Variants in PBX3 observed in about 807,000 individuals in gnomAD.
PBX3 encodes the protein pre-B-cell leukemia transcription factor 3.
Under a neutral mutation model 48.5 loss-of-function variants are expected in PBX3, and 14 were observed. The observed-to-expected ratio is 0.29, with a 90% confidence interval of 0.19 to 0.45. The LOEUF (loss-of-function observed/expected upper bound fraction) is 0.45, where lower values mean the gene tolerates loss of function less well. PBX3 is among the 20% of genes least tolerant of loss of function. The pLI is 1.00. For missense variants in PBX3, 386 were observed against 546.7 expected (o/e 0.71, Z 2.93); for synonymous variants, 210 against 200.3 (o/e 1.05, Z -0.41).
chr9:125,906,298 A>G (rs763216434), intron 2 of PBX3, among the ~76,000 whole-genome samples: 40 of 151,992 alleles, frequency 2.6e-4, no homozygotes, highest in Non-Finnish European at 4.3e-4. Flanking sequence ...GAGAATGCCA[A>G]TGACCCTCAT....
At chr9:125,792,763 A>G (rs1240115637) in intron 2 of PBX3, among the ~76,000 whole-genome samples, 2 of 151,012 alleles carry the variant, frequency 1.3e-5, no homozygotes. Flanking sequence ...CAGTGGCACA[A>G]TCTCTGCTCA....
intron 2 of PBX3, among the ~76,000 whole-genome samples, chr9:125,824,736 C>T (rs1267238741): frequency 6.7e-6 from 1 of 149,344 alleles, no homozygotes; most frequent in Non-Finnish European, 1.5e-5. Flanking sequence ...ATACTCATTG[C>T]TTACTAGACA....
chr9:125,890,352 C>G (rs978395858), intron 2 of PBX3, among the ~76,000 whole-genome samples: 3 of 152,188 alleles, frequency 2.0e-5, no homozygotes, highest in African/African-American at 7.2e-5. Flanking sequence ...AGTATCCTAA[C>G]TTAATGGTTG....
intron 4 of PBX3, among the ~76,000 whole-genome samples, chr9:125,931,234 G>A (rs1018871673): frequency 2.6e-5 from 4 of 152,116 alleles, no homozygotes; most frequent in Admixed American, 2.0e-4. Context: ...TTTTCATGTA[G>A]TATAAGCTCT....
In PBX3 at chr9:125,915,668, C is replaced by T. The variant is rs749981959; in HGVS notation, c.275-18C>T. ...TCTCGCTTCTTCTCTCTCTGTCTCT[C>T]TCTCTCTTTCCTTGAAGGTCTCAGC... On this transcript the variant is annotated intron_variant, in intron 2 of 8. Transcript: ENST00000373489. The T allele has an allele frequency of 1.1e-5, 18 of 1,587,402 alleles. No homozygotes were observed. The South Asian group carries it at 1.9e-4, about 17-fold the overall frequency.
rs1342648708 is a variant in PBX3 at position 125,748,543 on chromosome 9, T to G, written c.201-7T>G. 1.9e-6 allele frequency: 3 copies of G among 1,613,482 alleles called. No individual in the cohort carries two copies. Among genetic ancestry groups the G allele is most frequent in the Non-Finnish European group, 2.5e-6 (3 of 1,179,624 alleles). ...AATACCTTTGTGTTTCGTTATTTGT[T>G]TTTTAGGAAACATGCCCTGAACTGT... On this transcript the variant is annotated splice_region_variant and splice_polypyrimidine_tract_variant and intron_variant, in intron 1 of 8. Coordinates refer to ENST00000373489, the MANE Select transcript of PBX3 (RefSeq NM_006195.6).
intron 5 of PBX3, among the ~76,000 whole-genome samples, chr9:125,954,245 G>C (rs1445582460): frequency 6.6e-6 from 1 of 152,092 alleles, no homozygotes; most frequent in East Asian, 1.9e-4. Flanking sequence ...ACCTACATTT[G>C]ATGGTCAAAA....
At chr9:125,889,280 G>T (rs555333915) in intron 2 of PBX3, among the ~76,000 whole-genome samples, 1 of 152,344 alleles carries the variant, frequency 6.6e-6, no homozygotes, top group Admixed American at 6.5e-5. Flanking sequence ...GTGGGCTGTT[G>T]AAGGGCGTCT....
At chr9:125,956,293 AC>A (rs1389676162) in intron 5 of PBX3, among the ~76,000 whole-genome samples, 1 of 152,216 alleles carries the variant, frequency 6.6e-6, no homozygotes, top group East Asian at 1.9e-4. Context: ...AGTCCAAAGC[AC>A]GTAACCATTA....
intron 2 of PBX3, among the ~76,000 whole-genome samples, chr9:125,768,825 T>A (rs924962810): frequency 6.6e-6 from 1 of 152,230 alleles, no homozygotes; most frequent in Admixed American, 6.5e-5. Context: ...GGACACAGTG[T>A]TTCAAAATTC....
intron 2 of PBX3, among the ~76,000 whole-genome samples, chr9:125,834,651 G>C (rs1180447953): frequency 6.6e-6 from 1 of 151,322 alleles, no homozygotes; most frequent in Non-Finnish European, 1.5e-5. Context: ...GCCCACCTCT[G>C]CCTCCCAAAG....
intron 2 of PBX3, among the ~76,000 whole-genome samples, chr9:125,898,102 C>G (rs1036737236): frequency 2.6e-5 from 4 of 151,722 alleles, no homozygotes; most frequent in African/African-American, 9.7e-5. Context: ...CCTGCTTGCC[C>G]TTTAGTTCTT....
intron 2 of PBX3, among the ~76,000 whole-genome samples, chr9:125,895,722 A>G (rs750179381): frequency 3.3e-5 from 5 of 152,044 alleles, no homozygotes; most frequent in South Asian, 2.1e-4. Context: ...TTACTTTTCT[A>G]TTTTATTCAA....
intron 2 of PBX3, among the ~76,000 whole-genome samples, chr9:125,808,126 A>G (rs1015575159): frequency 3.3e-5 from 5 of 152,220 alleles, no homozygotes; most frequent in Non-Finnish European, 5.9e-5. Context: ...GGTGGTAAAA[A>G]TCACTACATA....
rs372380718 is a variant in PBX3, at chr9:125,963,875, T to C, written c.1212+774T>C. ...TAAATATTAATGATTTAAAAAGTGATTGAGGATGTTCAATTGTAAAGGGAA... is the reference window on the plus strand; with the variant it reads ...TAAATATTAATGATTTAAAAAGTGACTGAGGATGTTCAATTGTAAAGGGAA... On this transcript the variant is annotated intron_variant, in intron 8 of 8. Coordinates refer to ENST00000373489, the MANE Select transcript of PBX3 (RefSeq NM_006195.6). 8.5e-5 allele frequency among the ~76,000 whole-genome samples: 13 copies of C among 152,142 alleles called. No homozygotes were observed. The South Asian group carries it at 1.7e-3, about 19-fold the overall frequency.
chr9:125,841,088 A>G (rs2132229303), intron 2 of PBX3, among the ~76,000 whole-genome samples: 1 of 152,294 alleles, frequency 6.6e-6, no homozygotes, highest in African/African-American at 2.4e-5. Flanking sequence ...GCCTCTTTGC[A>G]TGGAATTTAT....
At chr9:125,938,500 A>G (rs1294014287) in intron 5 of PBX3, among the ~76,000 whole-genome samples, 1 of 152,200 alleles carries the variant, frequency 6.6e-6, no homozygotes, top group East Asian at 1.9e-4. Flanking sequence ...GAGTGGAGAA[A>G]TGGGACAAAA....
At chr9:125,768,226 T>C (rs575555498) in intron 2 of PBX3, among the ~76,000 whole-genome samples, 1 of 152,352 alleles carries the variant, frequency 6.6e-6, no homozygotes, top group Non-Finnish European at 1.5e-5. Flanking sequence ...TCTTTTAAGA[T>C]ACATGCCATC....
At chr9:125,964,897 T>C (rs556284675) in intron 8 of PBX3, among the ~76,000 whole-genome samples, 6 of 152,234 alleles carry the variant, frequency 3.9e-5, no homozygotes, top group South Asian at 2.1e-4. Context: ...CACCCTGACA[T>C]TGGTGTAGGA....
Sources: gnomAD v4.1 joint callset for allele counts (sites outside exome capture counted in the v4.1 genomes callset) on GRCh38, gnomAD v4.1.1 for gene constraint, MANE v1.5 for transcripts, NCBI Gene and HGNC (gene_info 2026-07-23, HGNC 2026-07-21) for gene names.